The following NRXN2 variants were observed in gnomAD, a reference collection of about 807,000 sequenced individuals.
NRXN2 encodes the protein neurexin-2-beta.
A neutral mutation model predicts 128.8 loss-of-function variants in NRXN2; 29 were observed. That is an observed-to-expected ratio of 0.23 (90% confidence interval 0.17 to 0.31). NRXN2 has a LOEUF of 0.31. Ranked by LOEUF, NRXN2 falls within the 10% of genes least tolerant of loss-of-function variation. The pLI, the probability that NRXN2 is intolerant of heterozygous loss-of-function variation, is 1.00. For missense variants in NRXN2, 1,881 were observed against 2,452.6 expected, an observed-to-expected ratio of 0.77 and a Z score of 4.92; for synonymous variants, 1,098 against 1,075.2, an observed-to-expected ratio of 1.02 and a Z score of -0.41.
At chr11:64,676,942 T>TA (rs763412451) in intron 7 of NRXN2, 51 bp downstream of exon 7, 18 of 1,534,152 alleles carry the variant, frequency 1.2e-5, no homozygotes, top group East Asian at 6.8e-5. Flanking sequence ...ATCGAACAGT[T>TA]AAAAAAACCC....
chr11:64,614,271 T>C (rs2041123395), intron 22 of NRXN2, among the ~76,000 whole-genome samples: 1 of 152,182 alleles, frequency 6.6e-6, no homozygotes, highest in Non-Finnish European at 1.5e-5. Flanking sequence ...CCACCTATTG[T>C]TTCAAATGTC....
At chr11:64,686,460 C>G (rs553719092) in intron 5 of NRXN2, among the ~76,000 whole-genome samples, 1 of 152,300 alleles carries the variant, frequency 6.6e-6, no homozygotes, top group African/African-American at 2.4e-5. Context: ...TTCAGCCTCA[C>G]CATATGGGAT....
At chr11:64,678,350 C>A (rs936487100) in intron 6 of NRXN2, among the ~76,000 whole-genome samples, 1 of 152,106 alleles carries the variant, frequency 6.6e-6, no homozygotes, top group Non-Finnish European at 1.5e-5. Flanking sequence ...CAACCCCATT[C>A]TCTCACTCTC....
In NRXN2 at chr11:64,651,366, G is replaced by C. The variant is rs771976612; in HGVS notation, c.2807C>G (p.Ala936Gly). The change falls in exon 14 of 23, where the codon GCC becomes GGC. Residue 936 changes from alanine to glycine, a missense_variant. By Grantham distance (60) the Ala-to-Gly change is moderately conservative. Around this residue, in one of 7 missense-constraint regions of NRXN2, gnomAD observed 390 missense variants for 599.6 expected, o/e 0.65. Coordinates refer to ENST00000265459, the MANE Select transcript of NRXN2 (RefSeq NM_015080.4). This position sits in a 1 kb window ranked among gnomAD's most constrained non-coding sequence, Gnocchi z 5.9. ...SSYLALATLQ[A>G]YASMHLFFQF... ...GAAGAAGAGGTGCATGGAAGCATAG[G>C]CTTGGAGCGTGGCGAGTGCCAGGTA... is the stretch of plus-strand genomic sequence containing the variant. 1 of 1,614,226 alleles carries C rather than the reference G, an allele frequency of 6.2e-7. No individual in the cohort carries two copies. The highest frequency in any genetic ancestry group is 2.2e-5 in the East Asian group (1 of 44,890).
chr11:64,638,601 A>G (rs941505136), intron 17 of NRXN2, among the ~76,000 whole-genome samples: 1 of 152,236 alleles, frequency 6.6e-6, no homozygotes, highest in Non-Finnish European at 1.5e-5. Flanking sequence ...CACCACATCT[A>G]GAACCTGACA....
At chr11:64,701,853 G>A (rs1388544212) in intron 2 of NRXN2, among the ~76,000 whole-genome samples, 1 of 149,040 alleles carries the variant, frequency 6.7e-6, no homozygotes, top group Non-Finnish European at 1.5e-5. Context: ...CCCCTACTGG[G>A]AAGTGAGGAG....
rs2042696996 is a variant in NRXN2, at chr11:64,623,747, A to T, written c.3848-669T>A. 6.5e-6 allele frequency: 1 copy of T among 153,108 alleles called. No individual in the cohort carries two copies. The allele number at this position is 153,108 out of a possible 1,614,324, so 9.5% of individuals were successfully genotyped here. On this transcript the variant is annotated intron_variant, in intron 20 of 22. Transcript: ENST00000265459. This position sits in a 1 kb window ranked among gnomAD's most constrained non-coding sequence, Gnocchi z 4.9. ...CCAAGGCCCAGCACTGCCTGGGACC[A>T]GGCCCTGTTAAGCCGAGCCCTTCCT...
At position 64,657,797 on chromosome 11, in the gene NRXN2, C is replaced by T. The variant is rs561246431; in HGVS notation, c.2389+2535G>A. 2.1e-4 allele frequency among the ~76,000 whole-genome samples: 32 copies of T among 152,282 alleles called. No individual in the cohort carries two copies. The Middle Eastern group carries it at 0.01, about 49-fold the overall frequency. Reference sequence around the variant, plus strand: ...AATCTGTAGACGGATGCATTTGCACCAAGCCTTTGGTCACAGATTGTCAGG... The same window carrying T: ...AATCTGTAGACGGATGCATTTGCACTAAGCCTTTGGTCACAGATTGTCAGG... On this transcript the variant is annotated intron_variant, in intron 11 of 22. Coordinates refer to ENST00000265459, the MANE Select transcript of NRXN2 (RefSeq NM_015080.4).
chr11:64,680,362 C>T (rs1011676356), intron 6 of NRXN2, among the ~76,000 whole-genome samples: 2 of 152,260 alleles, frequency 1.3e-5, no homozygotes, highest in African/African-American at 4.8e-5. Context: ...ATAAGAGGGA[C>T]CCATTTTTCA....
In NRXN2 at chr11:64,713,370, G is replaced by A. The variant is rs1222232600; in HGVS notation, c.330C>T (p.Asp110=). Residue 110 remains aspartate, a synonymous_variant, in exon 2 of 23, where the codon GAC becomes GAT. Transcript: ENST00000265459. ...TLQLDTPVAD[D]RWHMVLLTRD... is the part of the protein sequence containing the mutation. Reference sequence around the variant, plus strand: ...GGGTCAGCAGCACCATGTGCCAGCGGTCGTCGGCCACCGGCGTGTCCAGCT... The same window carrying A: ...GGGTCAGCAGCACCATGTGCCAGCGATCGTCGGCCACCGGCGTGTCCAGCT... 1.4e-6 allele frequency: 2 copies of A among 1,444,824 alleles called. No homozygotes were observed. The highest frequency in any genetic ancestry group is 1.8e-6 in the Non-Finnish European group (2 of 1,103,166). 89.5% of individuals were successfully genotyped at this position (1,444,824 alleles called of 1,614,324 possible). A position where few individuals can be genotyped will look rare whatever the true frequency, so the allele number is the denominator to read the frequency against.
chr11:64,610,198 C>T (rs1331195401), intron 22 of NRXN2, among the ~76,000 whole-genome samples: 1 of 152,164 alleles, frequency 6.6e-6, no homozygotes, highest in East Asian at 1.9e-4. Flanking sequence ...CTCCCCTGGC[C>T]AGGGGCTCAC....
chr11:64,623,337 G>A lies in NRXN2; in HGVS notation c.3848-259C>T. The A allele has an allele frequency of 1.7e-6, 1 of 572,436 alleles. No individual in the cohort carries two copies. The highest frequency in any genetic ancestry group is 3.1e-6 in the Non-Finnish European group (1 of 324,192). 35.5% of individuals were successfully genotyped at this position (572,436 alleles called of 1,614,324 possible). A position where few individuals can be genotyped will look rare whatever the true frequency, so the allele number is the denominator to read the frequency against. Reference sequence around the variant, plus strand: ...GGTACACATGGGCTGGGGAAGGGGAGCCCAGTCCCTCCTCCCCACCATGTG... The same window carrying A: ...GGTACACATGGGCTGGGGAAGGGGAACCCAGTCCCTCCTCCCCACCATGTG... On this transcript the variant is annotated intron_variant, in intron 20 of 22. Transcript: ENST00000265459. The surrounding 1 kb of genome is among the most constrained non-coding windows in gnomAD (Gnocchi z 4.9).
At chr11:64,655,587 C>T (rs2048154674) in intron 11 of NRXN2, among the ~76,000 whole-genome samples, 1 of 152,142 alleles carries the variant, frequency 6.6e-6, no homozygotes, top group South Asian at 2.1e-4. Flanking sequence ...AAGCAGGTCC[C>T]CTACTGGGGA....
rs502567 is a variant in NRXN2 at position 64,651,746 on chromosome 11, T to C, written c.2537-110A>G. The C allele has an allele frequency of 0.23, 288,100 of 1,250,456 alleles. 40,181 individuals carry two copies. Among genetic ancestry groups the C allele is most frequent in the African/African-American group, 0.59 (39,612 of 67,450 alleles). The allele number at this position is 1,250,456 out of a possible 1,614,324, so 77.5% of individuals were successfully genotyped here. On this transcript the variant is annotated intron_variant, in intron 13 of 22. Transcript: ENST00000265459. This position sits in a 1 kb window ranked among gnomAD's most constrained non-coding sequence, Gnocchi z 5.9. Reference sequence around the variant, plus strand: ...GAGGGCCACCCATGAGTGACATCTTTAGAGATGTCCTCGGCTAGGCACTAG... The same window carrying C: ...GAGGGCCACCCATGAGTGACATCTTCAGAGATGTCCTCGGCTAGGCACTAG...
intron 17 of NRXN2, among the ~76,000 whole-genome samples, chr11:64,641,974 G>T (rs927981329): frequency 6.6e-6 from 1 of 152,066 alleles, no homozygotes; most frequent in African/African-American, 2.4e-5. Context: ...GGTTGCTAGA[G>T]GGATGGAGGT....
chr11:64,700,574 C>G (rs2055198527), intron 2 of NRXN2, among the ~76,000 whole-genome samples: 1 of 152,216 alleles, frequency 6.6e-6, no homozygotes, highest in South Asian at 2.1e-4. Context: ...CACCCAGGAG[C>G]ACAGAATCAC....
chr11:64,620,235 C>T, intron 22 of NRXN2, 59 bp downstream of exon 22: 4 of 1,383,876 alleles, frequency 2.9e-6, no homozygotes, highest in Non-Finnish European at 4.0e-6. Flanking sequence ...GGACAGTCGC[C>T]CCCCTCCCAG....
At chr11:64,692,204 G>A (rs568552771) in intron 4 of NRXN2, among the ~76,000 whole-genome samples, 5 of 152,146 alleles carry the variant, frequency 3.3e-5, no homozygotes, top group Non-Finnish European at 7.3e-5. Context: ...CCTCAACGTC[G>A]TCATCTGTCA....
chr11:64,677,180 CCATA>C, intron 6 of NRXN2, 143 bp from the exon 7 acceptor site: 1 of 602,798 alleles, frequency 1.7e-6, no homozygotes, highest in Non-Finnish European at 2.9e-6. Context: ...AAATATATAT[CCATA>C]TATATTTGGT....
Sources: allele counts gnomAD v4.1 joint callset (sites outside exome capture counted in the v4.1 genomes callset), GRCh38; gene constraint gnomAD v4.1.1; regional missense constraint gnomAD v4.1.1; non-coding constraint Gnocchi (gnomAD v3.1); transcripts MANE v1.5; gene names NCBI Gene and HGNC (gene_info 2026-07-23, HGNC 2026-07-21).